The following DPP10 variants were observed in gnomAD, a reference collection of about 807,000 sequenced individuals.
DPP10 encodes dipeptidyl peptidase like 10, also known as inactive dipeptidyl peptidase 10.
DPP10 carries 33 observed loss-of-function variants against 120.9 expected under a neutral mutation model. That is an observed-to-expected ratio of 0.27 (90% CI 0.21 to 0.37). The LOEUF is 0.37. Among genes scored for constraint, DPP10 ranks in the 10% least tolerant of loss-of-function variants. The pLI is 1.00. For missense variants in DPP10, 816 were observed against 942.8 expected (o/e 0.87, Z 1.76); for synonymous variants, 337 against 326.1 (o/e 1.03, Z -0.36).
chr2:115,816,858 G>A (rs1423483326), intron 21 of DPP10, among the ~76,000 whole-genome samples: 8 of 150,284 alleles, frequency 5.3e-5, no homozygotes, highest in African/African-American at 1.5e-4. Flanking sequence ...CTCGTGATCC[G>A]CCTGCCTTGG....
chr2:115,483,424 T>C (rs1004872452), intron 3 of DPP10, among the ~76,000 whole-genome samples: 1 of 147,288 alleles, frequency 6.8e-6, no homozygotes, highest in African/African-American at 2.6e-5. Context: ...CTGCCTGATA[T>C]GTCTATCTGT....
At chr2:115,679,426 A>G (rs1407305040) in intron 5 of DPP10, among the ~76,000 whole-genome samples, 1 of 151,998 alleles carries the variant, frequency 6.6e-6, no homozygotes, top group Non-Finnish European at 1.5e-5. Context: ...TCTCTTTCTG[A>G]CTTGTGAAGG....
intron 1 of DPP10, among the ~76,000 whole-genome samples, chr2:114,815,473 A>G (rs2420449): frequency 0.62 from 94,314 of 151,934 alleles, 29,429 homozygotes; most frequent in East Asian, 0.83. Context: ...TATATTCAGG[A>G]CAGAAGGGTT....
In DPP10 at chr2:115,538,145, A is replaced by G. The variant is rs147367769; in HGVS notation, c.441+12173A>G. Among the ~76,000 whole-genome samples the G allele has an allele frequency of 1.6e-3, 245 of 152,150 alleles. 1 individual carries two copies. Among genetic ancestry groups the G allele is most frequent in the African/African-American group, 5.2e-3 (215 of 41,550 alleles). On this transcript the variant is annotated intron_variant, in intron 5 of 25. Coordinates refer to ENST00000410059, the MANE Select transcript of DPP10 (RefSeq NM_020868.6). ...GCAATGAGGCCATGAAATTCAAGAG[A>G]TGAGAATGACTGATGGCTCTCTCCC...
intron 5 of DPP10, among the ~76,000 whole-genome samples, chr2:115,608,083 A>G (rs1380801930): frequency 6.6e-6 from 1 of 152,120 alleles, no homozygotes; most frequent in Non-Finnish European, 1.5e-5. Flanking sequence ...ACAGGAAGAC[A>G]GTGATGATTA....
rs553148974 is a variant in DPP10 at position 114,834,758 on chromosome 2, G to A, written c.60+391920G>A. Among the ~76,000 whole-genome samples, 104 of 95,736 alleles carry A rather than the reference G, an allele frequency of 1.1e-3. 4 individuals carry two copies. Among genetic ancestry groups the A allele is most frequent in the African/African-American group, 1.6e-3 (44 of 27,002 alleles). The allele number at this position is 95,736 out of a possible 152,430, so 62.8% of individuals were successfully genotyped here. On this transcript the variant is annotated intron_variant, in intron 1 of 25. Coordinates refer to ENST00000410059, the MANE Select transcript of DPP10 (RefSeq NM_020868.6). ...ACGCACCTATGTATATATAAGCCAT[G>A]TCTACGCACCTATGTATATATAAGC...
chr2:115,699,046 A>AAAAAAAAAAAAAG (rs2091758509), intron 7 of DPP10, among the ~76,000 whole-genome samples: 2 of 145,792 alleles, frequency 1.4e-5, no homozygotes, highest in Non-Finnish European at 3.0e-5. Context: ...CAAAAAAAAA[A>AAAAAAAAAAAAAG]AAACAAGAGA....
At chr2:115,681,224 A>T (rs906520856) in intron 5 of DPP10, among the ~76,000 whole-genome samples, 1 of 151,956 alleles carries the variant, frequency 6.6e-6, no homozygotes, top group African/African-American at 2.4e-5. Flanking sequence ...TCCTAAGCGT[A>T]TGCAAAATAT....
At chr2:114,745,039 C>T (rs575993691) in intron 1 of DPP10, among the ~76,000 whole-genome samples, 8 of 152,098 alleles carry the variant, frequency 5.3e-5, no homozygotes, top group Admixed American at 2.0e-4. Flanking sequence ...GGATGACAGG[C>T]GTGAGCCACC....
At chr2:115,797,712 G>GT (rs888187296) in intron 19 of DPP10, among the ~76,000 whole-genome samples, 8 of 151,806 alleles carry the variant, frequency 5.3e-5, no homozygotes, top group African/African-American at 1.2e-4. Context: ...ATTTGTTTCT[G>GT]TTTTTTTCTT....
At chr2:114,889,602 A>C (rs181145885) in intron 1 of DPP10, among the ~76,000 whole-genome samples, 1 of 152,060 alleles carries the variant, frequency 6.6e-6, no homozygotes, top group Non-Finnish European at 1.5e-5. Context: ...TTTGTTGGGT[A>C]GTTTCATAAG....
In DPP10 at chr2:115,844,699, C is replaced by T. The variant is rs1344880530; in HGVS notation, c.*2354C>T. On this transcript the variant is annotated 3_prime_UTR_variant, in exon 26 of 26. Transcript: ENST00000410059. The stretch of plus-strand genomic sequence containing the variant: ...ACATATTTATGCATTGCTAGATTTT[C>T]CTAGGACTCCAATAGCATGCTTTCC... The T allele has an allele frequency of 6.6e-6, 1 of 152,088 alleles. No homozygotes were observed. The highest frequency in any genetic ancestry group is 1.5e-5 in the Non-Finnish European group (1 of 68,010). 9.4% of individuals were successfully genotyped at this position (152,088 alleles called of 1,614,324 possible). A position where few individuals can be genotyped will look rare whatever the true frequency, so the allele number is the denominator to read the frequency against.
chr2:114,589,043 G>T (rs973041862), intron 1 of DPP10, among the ~76,000 whole-genome samples: 10 of 150,940 alleles, frequency 6.6e-5, no homozygotes, highest in East Asian at 2.0e-4. Flanking sequence ...TTTTTGGGGG[G>T]GGGGGTAGGG....
intron 1 of DPP10, among the ~76,000 whole-genome samples, chr2:114,981,676 G>A (rs1700101198): frequency 6.6e-6 from 1 of 152,092 alleles, no homozygotes; most frequent in South Asian, 2.1e-4. Context: ...GAGCTCCTGG[G>A]CTTAAGTAAT....
At chr2:114,485,027 G>A (rs777341020) in intron 1 of DPP10, among the ~76,000 whole-genome samples, 5 of 151,800 alleles carry the variant, frequency 3.3e-5, no homozygotes, top group Non-Finnish European at 7.4e-5. Flanking sequence ...CACAAACTGA[G>A]GAGAGAAACT....
intron 21 of DPP10, 64 bp downstream of exon 21, chr2:115,815,793 C>A: frequency 6.7e-7 from 1 of 1,485,214 alleles, no homozygotes; most frequent in Non-Finnish European, 9.2e-7. Context: ...TATCCTATTA[C>A]ACATTCACAG....
chr2:114,911,659 G>A (rs766945596), intron 1 of DPP10, among the ~76,000 whole-genome samples: 9 of 152,126 alleles, frequency 5.9e-5, no homozygotes, highest in Non-Finnish European at 1.3e-4. Flanking sequence ...AAGCAATCCC[G>A]GCAGAGGGAA....
At chr2:114,961,422 C>G (rs1321282986) in intron 1 of DPP10, among the ~76,000 whole-genome samples, 1 of 150,106 alleles carries the variant, frequency 6.7e-6, no homozygotes, top group Non-Finnish European at 1.5e-5. Context: ...TGTAATTGTA[C>G]CTTTGTGTGT....
intron 1 of DPP10, among the ~76,000 whole-genome samples, chr2:114,469,777 G>A (rs921228070): frequency 1.2e-4 from 19 of 152,110 alleles, no homozygotes; most frequent in African/African-American, 4.6e-4. Flanking sequence ...CCAAATGGTT[G>A]AACAGGAAAT....
Sources: gnomAD v4.1 joint callset for allele counts (sites outside exome capture counted in the v4.1 genomes callset) on GRCh38, gnomAD v4.1.1 for gene constraint, MANE v1.5 for transcripts, NCBI Gene and HGNC (gene_info 2026-07-23, HGNC 2026-07-21) for gene names.